PALM2AKAP2: variants seen among roughly 807,000 people sequenced by gnomAD.
PALM2AKAP2 encodes PALM2-AKAP2 fusion protein.
A neutral mutation model predicts 71.5 loss-of-function variants in PALM2AKAP2; 37 were observed. The ratio of observed to expected loss-of-function variants is 0.52; its 90% CI spans 0.40 to 0.68. The LOEUF is 0.68. Ranked by LOEUF, PALM2AKAP2 falls within the 30% of genes least tolerant of loss-of-function variation. The probability of loss-of-function intolerance (pLI) is 0.00; values close to 1 mark genes in which losing one functional copy is unlikely to be tolerated. For missense variants in PALM2AKAP2, 1,224 were observed against 1,191.8 expected (o/e 1.03, Z -0.40); for synonymous variants, 468 against 478.8 (o/e 0.98, Z 0.29).
At chr9:109,937,090 G>C (rs900492089) in intron 6 of PALM2AKAP2, among the ~76,000 whole-genome samples, 1 of 152,126 alleles carries the variant, frequency 6.6e-6, no homozygotes. Flanking sequence ...CCTTGCAGTT[G>C]CTTTCACTCT....
intron 1 of PALM2AKAP2, among the ~76,000 whole-genome samples, chr9:109,697,362 A>G (rs1368135007): frequency 6.6e-6 from 1 of 152,212 alleles, no homozygotes; most frequent in Non-Finnish European, 1.5e-5. Flanking sequence ...TCTGCATAAC[A>G]GTGTTTGCTT....
intron 1 of PALM2AKAP2, among the ~76,000 whole-genome samples, chr9:110,074,452 C>G (rs1396089133): frequency 6.6e-6 from 1 of 152,008 alleles, no homozygotes; most frequent in African/African-American, 2.4e-5. Flanking sequence ...ATCATTGGGA[C>G]CAAGATTGAA....
At chr9:109,786,301 C>G (rs1352283627) in intron 1 of PALM2AKAP2, among the ~76,000 whole-genome samples, 1 of 152,184 alleles carries the variant, frequency 6.6e-6, no homozygotes, top group East Asian at 1.9e-4. Flanking sequence ...GTCCAGCTTC[C>G]CAAGGATCCC....
intron 1 of PALM2AKAP2, among the ~76,000 whole-genome samples, chr9:110,107,194 A>G (rs1330628870): frequency 6.6e-6 from 1 of 152,216 alleles, no homozygotes; most frequent in Non-Finnish European, 1.5e-5. Context: ...CCATAGAATA[A>G]CTGTAGTTAA....
At chr9:109,747,371 G>T (rs1479617583) in intron 1 of PALM2AKAP2, among the ~76,000 whole-genome samples, 1 of 152,120 alleles carries the variant, frequency 6.6e-6, no homozygotes, top group Non-Finnish European at 1.5e-5. Flanking sequence ...AGAAATGTTT[G>T]TTAAAATATA....
chr9:109,670,061 G>A (rs549702429), intron 1 of PALM2AKAP2, among the ~76,000 whole-genome samples: 4 of 152,018 alleles, frequency 2.6e-5, no homozygotes, highest in African/African-American at 7.2e-5. Context: ...TTAGATGCAT[G>A]CCACAAATTT....
At chr9:109,987,639 A>G (rs1832406196) in intron 6 of PALM2AKAP2, among the ~76,000 whole-genome samples, 1 of 152,218 alleles carries the variant, frequency 6.6e-6, no homozygotes, top group Non-Finnish European at 1.5e-5. Context: ...ACAACAAGAA[A>G]ACAATATAAT....
chr9:110,073,377 C>T (rs140747218), intron 1 of PALM2AKAP2, among the ~76,000 whole-genome samples: 2 of 152,300 alleles, frequency 1.3e-5, no homozygotes, highest in African/African-American at 4.8e-5. Context: ...GCCTCATGAC[C>T]TGAGCTGAGA....
rs1827456012 is a variant in PALM2AKAP2, at chr9:109,802,375, A to G, written c.45+21842A>G. 2.0e-5 allele frequency among the ~76,000 whole-genome samples: 3 copies of G among 152,246 alleles called. No individual in the cohort carries two copies. In the South Asian group the frequency reaches 6.2e-4, roughly 32 times the overall value. On this transcript the variant is annotated intron_variant, in intron 1 of 9. Transcript: ENST00000302798. Reference sequence around the variant, plus strand: ...TTTGGACCAGGAGCCCTGCATTTTCATTTTGCCCTGGGCCCTACAAATTAT... The same window carrying G: ...TTTGGACCAGGAGCCCTGCATTTTCGTTTTGCCCTGGGCCCTACAAATTAT...
chr9:109,945,022 GA>G (rs937531719), intron 6 of PALM2AKAP2: 2 of 152,048 alleles, frequency 1.3e-5, no homozygotes, highest in African/African-American at 4.8e-5. Flanking sequence ...AAGTAGATCA[GA>G]AAAAATAAGA....
At chr9:110,104,358 A>C (rs1835067821) in intron 1 of PALM2AKAP2, among the ~76,000 whole-genome samples, 1 of 152,048 alleles carries the variant, frequency 6.6e-6, no homozygotes, top group South Asian at 2.1e-4. Context: ...ATCGTACCTT[A>C]CTGGAAGCTA....
chr9:109,856,357 T>C lies in PALM2AKAP2; in HGVS notation c.46-11134T>C, dbSNP rs553723996. Among the ~76,000 whole-genome samples the C allele has an allele frequency of 2.1e-4, 32 of 152,352 alleles. 1 individual carries two copies. In the South Asian group the frequency reaches 6.6e-3, roughly 32 times the overall value. ...GCTACATCTGTGAATCGCCATGCCG[T>C]AGTTGCAAAGAATGTGGTGGGATTC... On this transcript the variant is annotated intron_variant, in intron 1 of 9. Transcript: ENST00000302798.
chr9:109,704,707 A>C (rs559067101), intron 1 of PALM2AKAP2, among the ~76,000 whole-genome samples: 1 of 152,154 alleles, frequency 6.6e-6, no homozygotes, highest in Non-Finnish European at 1.5e-5. Context: ...CAGCTCTGCC[A>C]CCATCTACCT....
At chr9:109,763,641 G>T (rs957000343) in intron 1 of PALM2AKAP2, among the ~76,000 whole-genome samples, 2 of 152,174 alleles carry the variant, frequency 1.3e-5, no homozygotes, top group African/African-American at 2.4e-5. Flanking sequence ...ATAGTTCTGG[G>T]AGTGGGAAGT....
intron 2 of PALM2AKAP2, among the ~76,000 whole-genome samples, chr9:110,154,405 C>G (rs116795347): frequency 6.6e-6 from 1 of 152,160 alleles, no homozygotes; most frequent in Non-Finnish European, 1.5e-5. Context: ...AAAAGTCAAT[C>G]GGAATTTTCA....
chr9:109,863,995 G>C (rs997090961), intron 1 of PALM2AKAP2, among the ~76,000 whole-genome samples: 1 of 151,916 alleles, frequency 6.6e-6, no homozygotes, highest in African/African-American at 2.4e-5. Flanking sequence ...CAGGGAAATT[G>C]CTTGAACTCA....
At chr9:109,764,373 T>C (rs1267118619) in intron 1 of PALM2AKAP2, among the ~76,000 whole-genome samples, 1 of 151,710 alleles carries the variant, frequency 6.6e-6, no homozygotes, top group Non-Finnish European at 1.5e-5. Context: ...CACACTGCGC[T>C]CTTTTACACC....
At chr9:109,662,386 A>C (rs1352056152) in intron 1 of PALM2AKAP2, among the ~76,000 whole-genome samples, 1 of 152,126 alleles carries the variant, frequency 6.6e-6, no homozygotes, top group African/African-American at 2.4e-5. Flanking sequence ...AGCGCTGTTG[A>C]ATTTTGTCAA....
At chr9:109,930,083 C>A (rs1386284714) in intron 5 of PALM2AKAP2, among the ~76,000 whole-genome samples, 1 of 152,046 alleles carries the variant, frequency 6.6e-6, no homozygotes, top group Non-Finnish European at 1.5e-5. Flanking sequence ...TGCCTTCAAC[C>A]ATGTCTGCCT....
Sources: allele counts gnomAD v4.1 joint callset (sites outside exome capture counted in the v4.1 genomes callset), GRCh38; gene constraint gnomAD v4.1.1; transcripts MANE v1.5; gene names NCBI Gene and HGNC (gene_info 2026-07-23, HGNC 2026-07-21).